PHOX2A: variants seen among roughly 807,000 people sequenced by gnomAD.
The protein encoded by PHOX2A is paired like homeobox 2A, also known as paired mesoderm homeobox protein 2A.
A neutral mutation model predicts 16.4 loss-of-function variants in PHOX2A; 10 were observed. The ratio of observed to expected loss-of-function variants is 0.61; its 90% CI spans 0.38 to 1.04. The LOEUF is 1.04. Ranked by LOEUF, PHOX2A falls within the 50% of genes least tolerant of loss-of-function variation. The pLI is 0.01. For synonymous variants in PHOX2A, 219 were observed against 203.8 expected (o/e 1.07, Z -0.64); for missense variants, 361 against 419.4 (o/e 0.86, Z 1.22).
At chr11:72,240,777 C>T (rs903170073) in intron 2 of PHOX2A, among the ~76,000 whole-genome samples, 3 of 152,202 alleles carry the variant, frequency 2.0e-5, no homozygotes, top group African/African-American at 7.2e-5. Flanking sequence ...CTGGCCTGCC[C>T]CCTCTCCTCC....
In PHOX2A at chr11:72,243,952, G is replaced by A. The variant is rs1479879253; in HGVS notation, c.53C>T (p.Ala18Val). The A allele has an allele frequency of 1.5e-6, 2 of 1,309,948 alleles. No individual in the cohort carries two copies. The highest frequency in any genetic ancestry group is 2.0e-6 in the Non-Finnish European group (2 of 1,022,828). 81.1% of individuals were successfully genotyped at this position (1,309,948 alleles called of 1,614,324 possible). The change falls in exon 1 of 3, where the codon GCG becomes GTG. Residue 18 changes from alanine to valine, a missense_variant. By Grantham distance (64) the Ala-to-Val change is moderately conservative. This residue lies in a region of PHOX2A where 235 missense variants were observed against 263.8 expected (regional missense o/e 0.89). Coordinates refer to ENST00000298231, the MANE Select transcript of PHOX2A (RefSeq NM_005169.4). ...GGCGCCAAAGTCGCCGTAGGCGGAC[G>A]CCTCCATGGCCGCCACGCACGAGTC... ...SYDSCVAAME[A>V]SAYGDFGACS...
chr11:72,239,931 G>A lies in PHOX2A; in HGVS notation c.673C>T (p.Gln225Ter). Residue 225 changes from glutamine to a stop codon, truncating the protein, a stop_gained, in exon 3 of 3, where the codon CAG (glutamine) becomes TAG (stop). Coordinates refer to ENST00000298231, the MANE Select transcript of PHOX2A (RefSeq NM_005169.4). LOFTEE classifies it high-confidence loss of function. ...GSGPGPGPGPQPLKGALWAGV... is the reference protein window; with the variant it reads ...GSGPGPGPGP ...GCCCACAGTGCGCCCTTGAGCGGCT[G>A]TGGCCCCGGCCCAGGTCCCGGCCCG... The A allele has an allele frequency of 7.7e-7, 1 of 1,304,362 alleles. No homozygotes were observed. Among genetic ancestry groups the A allele is most frequent in the Non-Finnish European group, 9.8e-7 (1 of 1,025,346 alleles). 80.8% of individuals were successfully genotyped at this position (1,304,362 alleles called of 1,614,324 possible). A position where few individuals can be genotyped will look rare whatever the true frequency, so the allele number is the denominator to read the frequency against.
chr11:72,239,405 G>A lies in PHOX2A; in HGVS notation c.*344C>T, dbSNP rs1484796508. 1 of 204,714 alleles carries A rather than the reference G, an allele frequency of 4.9e-6. No individual in the cohort carries two copies. The highest frequency in any genetic ancestry group is 6.0e-5 in the Admixed American group (1 of 16,766). 12.7% of individuals were successfully genotyped at this position (204,714 alleles called of 1,614,324 possible). On this transcript the variant is annotated 3_prime_UTR_variant, in exon 3 of 3. Coordinates refer to ENST00000298231, the MANE Select transcript of PHOX2A (RefSeq NM_005169.4). The stretch of plus-strand genomic sequence containing the variant: ...CAGCCGCTGCAGAGCCAGGGAAGGG[G>A]GCTGTGCCGATCCTCCTTGAGGACC...
Position 72,241,260 on chromosome 11 carries a change from C to G in PHOX2A, c.247G>C (p.Gly83Arg). ...VPYKFFPEPS[G>R]LHEKRKQRRI... ...CGCTGCTTGCGCTTCTCGTGCAGGC[C>G]GGATGGCTCTGGGAAGAACTTGTAG... Residue 83 changes from glycine to arginine, a missense_variant, in exon 2 of 3, where the codon GGC (glycine) becomes CGC (arginine). Coordinates refer to ENST00000298231, the MANE Select transcript of PHOX2A (RefSeq NM_005169.4). 1.4e-6 allele frequency: 2 copies of G among 1,449,220 alleles called. No individual in the cohort carries two copies. Among genetic ancestry groups the G allele is most frequent in the Non-Finnish European group, 1.8e-6 (2 of 1,089,176 alleles). The allele number at this position is 1,449,220 out of a possible 1,614,324, so 89.8% of individuals were successfully genotyped here. A position where few individuals can be genotyped will look rare whatever the true frequency, so the allele number is the denominator to read the frequency against.
rs1310241620 is a variant in PHOX2A, at chr11:72,240,050, G to A, written c.554C>T (p.Thr185Met). The A allele has an allele frequency of 1.3e-6, 2 of 1,512,794 alleles. No individual in the cohort carries two copies. Among genetic ancestry groups the A allele is most frequent in the South Asian group, 2.5e-5 (2 of 81,500 alleles). 93.7% of individuals were successfully genotyped at this position (1,512,794 alleles called of 1,614,324 possible). A position where few individuals can be genotyped will look rare whatever the true frequency, so the allele number is the denominator to read the frequency against. ...DDSKESTCSP[T>M]PDSTASLPPP... ...CGGCAGCGAGGCGGTGCTATCGGGC[G>A]TGGGGCTGCACGTGGACTCCTTGGA... The change falls in exon 3 of 3, where the codon ACG becomes ATG. Residue 185 changes from threonine (T) to methionine (M), a missense_variant. Transcript: ENST00000298231.
rs1949117177 is a variant in PHOX2A at position 72,241,174 on chromosome 11, C to T, written c.333G>A (p.Glu111=). The T allele has an allele frequency of 1.2e-6, 2 of 1,613,992 alleles. No individual in the cohort carries two copies. Among genetic ancestry groups the T allele is most frequent in the Non-Finnish European group, 1.7e-6 (2 of 1,180,024 alleles). ...GCGTGTAAATGTCGGGGTAGTGGGT[C>T]TCAGCGAAAACGCGCTCCAGCTCCT... The part of the protein sequence containing the change: ...QLKELERVFA[E]THYPDIYTRE... The change falls in exon 2 of 3, where the codon GAG becomes GAA. Residue 111 remains glutamate, a synonymous_variant. Coordinates refer to ENST00000298231, the MANE Select transcript of PHOX2A (RefSeq NM_005169.4).
Position 72,239,875 on chromosome 11 carries a change from A to T in PHOX2A, c.729T>A (p.Pro243=), listed in dbSNP as rs1949099421. The change falls in exon 3 of 3, where the codon CCT becomes CCA. Residue 243 remains proline (P), a synonymous_variant. Transcript: ENST00000298231. ...TAAGTAGTTCGGCCGCTCCCGCGCC[A>T]GGCCCGCCGCCCCCACCGCCCGCCA... is the stretch of plus-strand genomic sequence containing the variant. The part of the protein sequence containing the change: ...AGVAGGGGGG[P]GAGAAELLKA... 2 of 1,366,908 alleles carry T rather than the reference A, an allele frequency of 1.5e-6. No individual in the cohort carries two copies. 84.7% of individuals were successfully genotyped at this position (1,366,908 alleles called of 1,614,324 possible).
Position 72,244,042 on chromosome 11 carries a change from G to A in PHOX2A, c.-38C>T, listed in dbSNP as rs1216739824. The stretch of plus-strand genomic sequence containing the variant: ...CGGGGGCGGGGGCCGGGCCAGGCCG[G>A]GTCGGGGTCGGGGTCCGGGTGGAGG... On this transcript the variant is annotated 5_prime_UTR_variant, in exon 1 of 3. Transcript: ENST00000298231. 4.9e-6 allele frequency: 5 copies of A among 1,020,186 alleles called. No homozygotes were observed. In the African/African-American group the frequency reaches 5.0e-5, roughly 10 times the overall value. The allele number at this position is 1,020,186 out of a possible 1,614,324, so 63.2% of individuals were successfully genotyped here. A position where few individuals can be genotyped will look rare whatever the true frequency, so the allele number is the denominator to read the frequency against.
Position 72,240,132 on chromosome 11 carries a change from CCGCGCCCTT to C in PHOX2A, c.463_471del (p.Lys155_Ala157del), listed in dbSNP as rs1378145671. 2.0e-6 allele frequency: 3 copies of C among 1,532,036 alleles called. No individual in the cohort carries two copies. Among genetic ancestry groups the C allele is most frequent in the Non-Finnish European group, 2.6e-6 (3 of 1,144,538 alleles). The allele number at this position is 1,532,036 out of a possible 1,614,324, so 94.9% of individuals were successfully genotyped here. A position where few individuals can be genotyped will look rare whatever the true frequency, so the allele number is the denominator to read the frequency against. On this transcript the variant is annotated inframe_deletion, in exon 3 of 3. Transcript: ENST00000298231. ...CCCTTTTTGGCGCCCGCCGCGCCCG[CCGCGCCCTT>C]GGCGCTGGCCGCGCGCTCCTGTTTG...
At position 72,239,604 on chromosome 11, in the gene PHOX2A, G is replaced by A; in HGVS notation, c.*145C>T. The A allele has an allele frequency of 1.8e-6, 1 of 553,516 alleles. No homozygotes were observed. The highest frequency in any genetic ancestry group is 9.9e-5 in the South Asian group (1 of 10,072). The allele number at this position is 553,516 out of a possible 1,614,324, so 34.3% of individuals were successfully genotyped here. ...GGCCCTGACTTGGTCTCCAAAGTTG[G>A]GGAGGACACACCGAGGGGTGAGACA... On this transcript the variant is annotated 3_prime_UTR_variant, in exon 3 of 3. Transcript: ENST00000298231.
chr11:72,242,140 C>A (rs1949127735), intron 1 of PHOX2A, among the ~76,000 whole-genome samples: 1 of 152,018 alleles, frequency 6.6e-6, no homozygotes, highest in African/African-American at 2.4e-5. Flanking sequence ...CCAAAGCCAA[C>A]ACTGCCCCCC....
rs902864694 is a variant in PHOX2A at position 72,239,645 on chromosome 11, G to C, written c.*104C>G. The C allele has an allele frequency of 1.1e-6, 1 of 891,178 alleles. No homozygotes were observed. The highest frequency in any genetic ancestry group is 1.5e-6 in the Non-Finnish European group (1 of 661,380). 55.2% of individuals were successfully genotyped at this position (891,178 alleles called of 1,614,324 possible). Reference sequence around the variant, plus strand: ...GGGTGAGACAGTAGGGAGTGGAGACGGATGGGGACTTCCAGGCGGGTGGCC... The same window carrying C: ...GGGTGAGACAGTAGGGAGTGGAGACCGATGGGGACTTCCAGGCGGGTGGCC... On this transcript the variant is annotated 3_prime_UTR_variant, in exon 3 of 3. Transcript: ENST00000298231.
intron 1 of PHOX2A, 54 bp from the exon 2 acceptor site, chr11:72,241,343 G>A: frequency 9.0e-7 from 1 of 1,110,586 alleles, no homozygotes; most frequent in Non-Finnish European, 1.3e-6. Flanking sequence ...GGGGGAGTGA[G>A]AAGCAGAGTT....
intron 1 of PHOX2A, among the ~76,000 whole-genome samples, chr11:72,243,229 G>T (rs905078364): frequency 6.6e-6 from 1 of 152,216 alleles, no homozygotes; most frequent in African/African-American, 2.4e-5. Flanking sequence ...TTTATTGCGG[G>T]CTACGGGATC....
Position 72,240,123 on chromosome 11 carries a change from C to T in PHOX2A, c.481G>A (p.Ala161Thr), listed in dbSNP as rs1949103526. 1 of 1,524,324 alleles carries T rather than the reference C, an allele frequency of 6.6e-7. No homozygotes were observed. The highest frequency in any genetic ancestry group is 1.5e-5 in the African/African-American group (1 of 66,392). The allele number at this position is 1,524,324 out of a possible 1,614,324, so 94.4% of individuals were successfully genotyped here. The change falls in exon 3 of 3, where the codon GCG (alanine) becomes ACG (threonine). Residue 161 changes from alanine to threonine, a missense_variant. This residue lies in a region of PHOX2A where 235 missense variants were observed against 263.8 expected (regional missense o/e 0.89). Transcript: ENST00000298231. ...CGCGCCTCGCCCTTTTTGGCGCCCG[C>T]CGCGCCCGCCGCGCCCTTGGCGCTG... is the stretch of plus-strand genomic sequence containing the variant. ...AASAKGAAGA[A>T]GAKKGEARCS...
rs540589561 is a variant in PHOX2A at position 72,240,270 on chromosome 11, C to G, written c.406-72G>C. ...ACGGGGTCAGCCCGCGGCCGCAAGG[C>G]TCGAGTGAGATCCTGGTTCGGAAAG... On this transcript the variant is annotated intron_variant, in intron 2 of 2. Coordinates refer to ENST00000298231, the MANE Select transcript of PHOX2A (RefSeq NM_005169.4). 3.9e-5 allele frequency: 59 copies of G among 1,512,662 alleles called. No individual in the cohort carries two copies. The African/African-American group carries it at 7.0e-4, about 18-fold the overall frequency. The allele number at this position is 1,512,662 out of a possible 1,614,324, so 93.7% of individuals were successfully genotyped here. A position where few individuals can be genotyped will look rare whatever the true frequency, so the allele number is the denominator to read the frequency against.
chr11:72,239,296 A>G lies in PHOX2A; in HGVS notation c.*453T>C, dbSNP rs1470582631. The G allele has an allele frequency of 1.3e-5, 2 of 154,402 alleles. No homozygotes were observed. The highest frequency in any genetic ancestry group is 4.8e-5 in the African/African-American group (2 of 41,390). The allele number at this position is 154,402 out of a possible 1,614,324, so 9.6% of individuals were successfully genotyped here. ...GATGAATTGGCGGTGGTCATTAATT[A>G]TCCCGGCGACCACCAGCCTCTGTAC... On this transcript the variant is annotated 3_prime_UTR_variant, in exon 3 of 3. Transcript: ENST00000298231.
Position 72,239,721 on chromosome 11 carries a change from C to T in PHOX2A, c.*28G>A, listed in dbSNP as rs369751238. 8.6e-5 allele frequency: 112 copies of T among 1,302,262 alleles called. No individual in the cohort carries two copies. Among genetic ancestry groups the T allele is most frequent in the Non-Finnish European group, 1.1e-4 (108 of 1,017,502 alleles). 80.7% of individuals were successfully genotyped at this position (1,302,262 alleles called of 1,614,324 possible). A position where few individuals can be genotyped will look rare whatever the true frequency, so the allele number is the denominator to read the frequency against. On this transcript the variant is annotated 3_prime_UTR_variant, in exon 3 of 3. Transcript: ENST00000298231. ...GGAGGGGCAGGGACGTCTCTGGGGGCAGGCTCGGAGCCTCCAGAGGCCGGC... is the reference window on the plus strand; with the variant it reads ...GGAGGGGCAGGGACGTCTCTGGGGGTAGGCTCGGAGCCTCCAGAGGCCGGC...
intron 2 of PHOX2A, 29 bp downstream of exon 2, chr11:72,241,073 C>G (rs1172811333): frequency 8.7e-6 from 14 of 1,610,524 alleles, no homozygotes; most frequent in African/African-American, 1.3e-5. Context: ...TCCATGCGCA[C>G]TCTCGTACAC....
Sources: allele counts gnomAD v4.1 joint callset (sites outside exome capture counted in the v4.1 genomes callset), GRCh38; gene constraint gnomAD v4.1.1; regional missense constraint gnomAD v4.1.1; transcripts MANE v1.5; gene names NCBI Gene and HGNC (gene_info 2026-07-23, HGNC 2026-07-21).